The following IL17B variants were observed in gnomAD, a reference collection of about 807,000 sequenced individuals.
IL17B encodes interleukin-17B.
IL17B carries 14 observed loss-of-function variants against 14.7 expected under a neutral mutation model. The observed-to-expected ratio is 0.95, with a 90% CI of 0.63 to 1.49. The LOEUF (loss-of-function observed/expected upper bound fraction) is 1.49, where lower values mean the gene tolerates loss of function less well. Ranked by LOEUF, IL17B falls within the 40% of genes most tolerant of loss-of-function variation. The pLI, the probability that IL17B is intolerant of heterozygous loss-of-function variation, is 0.00. For missense variants in IL17B, 233 were observed against 252.8 expected (o/e 0.92, Z 0.53); for synonymous variants, 105 against 94.8 (o/e 1.11, Z -0.62).
At chr5:149,398,770 G>A (rs1211486886) in intron 1 of IL17B, among the ~76,000 whole-genome samples, 1 of 152,214 alleles carries the variant, frequency 6.6e-6, no homozygotes, top group Non-Finnish European at 1.5e-5. Context: ...GCTGGGCATG[G>A]TGGCAGGCAC....
In IL17B at chr5:149,374,448, G is replaced by A. The variant is rs532107768; in HGVS notation, c.464C>T (p.Pro155Leu). 19 of 1,610,766 alleles carry A rather than the reference G, an allele frequency of 1.2e-5. No individual in the cohort carries two copies. The highest frequency in any genetic ancestry group is 3.3e-5 in the South Asian group (3 of 91,026). Residue 155 changes from proline to leucine, a missense_variant, in exon 3 of 3, where the codon CCG becomes CTG. Physicochemically the swap from Pro to Leu is moderately conservative, Grantham distance 98. Transcript: ENST00000261796. The surrounding 1 kb of genome is among the most constrained non-coding windows in gnomAD (Gnocchi z 5.0). ...GCAAGGCCCTGTGCGGGGCGGTGGC[G>A]GGCAGAGGCGGCGGCGCACAGGAAC... is the stretch of plus-strand genomic sequence containing the variant. ...SQVPVRRRLCPPPPRTGPCRQ... is the reference protein window; with the variant it reads ...SQVPVRRRLCLPPPRTGPCRQ...
In IL17B at chr5:149,379,081, A is replaced by C. The variant is rs543145013; in HGVS notation, c.21+124T>G. ...TTTCTTTCTAGTCCTGGGGGAGAAG[A>C]CAGAGAAGTTGCCTCTGCAGATTCT... On this transcript the variant is annotated intron_variant, in intron 1 of 2. Transcript: ENST00000261796. 80 of 1,137,834 alleles carry C rather than the reference A, an allele frequency of 7.0e-5. No individual in the cohort carries two copies. In the African/African-American group the frequency reaches 1.1e-3, roughly 16 times the overall value. The allele number at this position is 1,137,834 out of a possible 1,614,324, so 70.5% of individuals were successfully genotyped here.
At chr5:149,399,532 G>T (rs570933383) in intron 1 of IL17B, among the ~76,000 whole-genome samples, 4 of 152,242 alleles carry the variant, frequency 2.6e-5, no homozygotes, top group Admixed American at 2.0e-4. Flanking sequence ...ACAAATTTGG[G>T]TGGGTGGGAC....
chr5:149,389,100 A>G (rs1758887898), intron 1 of IL17B, among the ~76,000 whole-genome samples: 1 of 152,240 alleles, frequency 6.6e-6, no homozygotes, highest in Non-Finnish European at 1.5e-5. Flanking sequence ...ATCTCCAGAG[A>G]GAACAACCCT....
At chr5:149,388,172 T>C (rs1363426498) in intron 1 of IL17B, among the ~76,000 whole-genome samples, 1 of 152,248 alleles carries the variant, frequency 6.6e-6, no homozygotes, top group Non-Finnish European at 1.5e-5. Flanking sequence ...ATAAGTTTTC[T>C]GAGTCAGCTC....
chr5:149,397,816 G>A (rs890639115), intron 1 of IL17B, among the ~76,000 whole-genome samples: 3 of 152,170 alleles, frequency 2.0e-5, no homozygotes, highest in Admixed American at 1.3e-4. Context: ...GGCCACTGGT[G>A]TAAGTCCTAG....
chr5:149,399,163 G>A (rs541883332), intron 1 of IL17B, among the ~76,000 whole-genome samples: 1 of 152,290 alleles, frequency 6.6e-6, no homozygotes, highest in South Asian at 2.1e-4. Flanking sequence ...GCTACAAGAC[G>A]AGATTTGTGT....
chr5:149,382,077 G>T (rs1758713023), upstream of IL17B, among the ~76,000 whole-genome samples: 1 of 152,228 alleles, frequency 6.6e-6, no homozygotes, highest in Non-Finnish European at 1.5e-5. Context: ...CCACTAGAAA[G>T]CCAGCCAACC....
upstream of IL17B, among the ~76,000 whole-genome samples, chr5:149,382,488 C>T (rs976799887): frequency 1.3e-5 from 2 of 152,244 alleles, no homozygotes; most frequent in Non-Finnish European, 2.9e-5. Flanking sequence ...ACTGCCAGGC[C>T]ATAAGCTAAA....
chr5:149,399,726 G>A (rs1454411540), intron 1 of IL17B, among the ~76,000 whole-genome samples: 4 of 152,142 alleles, frequency 2.6e-5, no homozygotes, highest in Non-Finnish European at 4.4e-5. Flanking sequence ...CGGGACTCCC[G>A]CAGTCCTCAC....
At position 149,385,212 on chromosome 5, in the gene IL17B, G is replaced by T. The variant is rs191832267; in HGVS notation, n.96-8187C>A. On this transcript the variant is annotated intron_variant and non_coding_transcript_variant, in intron 1 of 2. Coordinates refer to the IL17B transcript ENST00000505432. ...CTCTACTAAAAATACAAAATTAGCC[G>T]GACGTGGTGGCGCATGCCTGTAATC... Among the ~76,000 whole-genome samples, 21 of 152,032 alleles carry T rather than the reference G, an allele frequency of 1.4e-4. No homozygotes were observed. In the East Asian group the frequency reaches 2.6e-3, roughly 19 times the overall value.
Position 149,379,206 on chromosome 5 carries a change from A to G in IL17B, c.20T>C (p.Leu7Pro), listed in dbSNP as rs549065715. 6.2e-7 allele frequency: 1 copy of G among 1,614,024 alleles called. No individual in the cohort carries two copies. The highest frequency in any genetic ancestry group is 8.5e-7 in the Non-Finnish European group (1 of 1,179,966). Residue 7 changes from leucine (L) to proline (P), a missense_variant and splice_region_variant, in exon 1 of 3, where the codon CTG becomes CCG. Transcript: ENST00000261796. MDWPHNLLFLLTISIFL... is the reference protein window; with the variant it reads MDWPHNPLFLLTISIFL... Reference sequence around the variant, plus strand: ...GTGCGGCAGGGAAGCGCCACGTACCAGGTTGTGAGGCCAGTCCATTCCGCC... The same window carrying G: ...GTGCGGCAGGGAAGCGCCACGTACCGGGTTGTGAGGCCAGTCCATTCCGCC...
At chr5:149,401,337 C>G (rs1759202220) in intron 1 of IL17B, among the ~76,000 whole-genome samples, 1 of 152,200 alleles carries the variant, frequency 6.6e-6, no homozygotes, top group Non-Finnish European at 1.5e-5. Flanking sequence ...ATTAAATTTT[C>G]AATTTTTCAC....
intron 1 of IL17B, among the ~76,000 whole-genome samples, chr5:149,395,532 A>C (rs891921208): frequency 6.6e-6 from 1 of 152,246 alleles, no homozygotes; most frequent in Non-Finnish European, 1.5e-5. Context: ...TACTGTGCAC[A>C]TAATTACTTT....
upstream of IL17B, among the ~76,000 whole-genome samples, chr5:149,381,863 C>T (rs537900794): frequency 2.9e-4 from 44 of 152,264 alleles, no homozygotes; most frequent in African/African-American, 1.0e-3. Flanking sequence ...GAGGGAGGTG[C>T]AGGAACTGGG....
intron 1 of IL17B, 130 bp downstream of exon 1, chr5:149,379,075 G>A: frequency 2.8e-6 from 3 of 1,068,600 alleles, no homozygotes; most frequent in Admixed American, 1.9e-5. Context: ...AGTCCTGGGG[G>A]AGAAGACAGA....
At chr5:149,398,212 A>G (rs999177141) in intron 1 of IL17B, among the ~76,000 whole-genome samples, 1 of 152,244 alleles carries the variant, frequency 6.6e-6, no homozygotes, top group South Asian at 2.1e-4. Context: ...TTTGTCTAAC[A>G]TAATGCAACC....
intron 1 of IL17B, among the ~76,000 whole-genome samples, chr5:149,392,448 T>C (rs532901602): frequency 6.6e-6 from 1 of 152,348 alleles, no homozygotes; most frequent in Non-Finnish European, 1.5e-5. Context: ...CCAATAGCTG[T>C]TATTAAGTAA....
upstream of IL17B, among the ~76,000 whole-genome samples, chr5:149,381,945 C>T (rs1434534729): frequency 6.6e-6 from 1 of 152,162 alleles, no homozygotes; most frequent in Admixed American, 6.5e-5. Flanking sequence ...GGTCAGCATG[C>T]GTGAATGAAG....
Sources: allele counts gnomAD v4.1 joint callset (sites outside exome capture counted in the v4.1 genomes callset), GRCh38; gene constraint gnomAD v4.1.1; non-coding constraint Gnocchi (gnomAD v3.1); transcripts MANE v1.5; gene names NCBI Gene and HGNC (gene_info 2026-07-23, HGNC 2026-07-21).